Variants in TENM2 observed in about 807,000 individuals in gnomAD.
The protein encoded by TENM2 is teneurin-2.
Under a neutral mutation model 245.2 loss-of-function variants are expected in TENM2, and 52 were observed. That is an observed-to-expected ratio of 0.21 (90% CI 0.17 to 0.27). The LOEUF is 0.27. Among genes scored for constraint, TENM2 ranks in the 10% least tolerant of loss-of-function variants. TENM2 has a pLI of 1.00. For synonymous variants in TENM2, 1,363 were observed against 1,438.9 expected (o/e 0.95, Z 1.19); for missense variants, 3,046 against 3,666.8 (o/e 0.83, Z 4.37).
intron 4 of TENM2, among the ~76,000 whole-genome samples, chr5:167,975,738 G>T (rs946698733): frequency 6.6e-6 from 1 of 151,598 alleles, no homozygotes; most frequent in Non-Finnish European, 1.5e-5. Context: ...TGCAGATAGG[G>T]TTTCTTCTGT....
At chr5:167,988,549 T>C (rs1372191142) in intron 4 of TENM2, among the ~76,000 whole-genome samples, 1 of 152,032 alleles carries the variant, frequency 6.6e-6, no homozygotes, top group Non-Finnish European at 1.5e-5. Flanking sequence ...AGGAACAAGT[T>C]GTGCAGATAT....
At chr5:167,480,253 C>G (rs1767670921) in intron 2 of TENM2, among the ~76,000 whole-genome samples, 1 of 152,196 alleles carries the variant, frequency 6.6e-6, no homozygotes, top group Non-Finnish European at 1.5e-5. Context: ...CTCTTCCTCA[C>G]TGATTGTAAG....
intron 4 of TENM2, among the ~76,000 whole-genome samples, chr5:167,991,962 C>T (rs1783701240): frequency 6.6e-6 from 1 of 152,180 alleles, no homozygotes; most frequent in South Asian, 2.1e-4. Context: ...GAAATAATGG[C>T]TTTTGCAGCA....
chr5:167,886,998 T>G (rs1192010821), intron 3 of TENM2, among the ~76,000 whole-genome samples: 1 of 152,138 alleles, frequency 6.6e-6, no homozygotes, highest in Non-Finnish European at 1.5e-5. Flanking sequence ...TAGCTCTTTT[T>G]CCCAACACAG....
At chr5:167,427,012 G>A (rs1471949914) in intron 2 of TENM2, among the ~76,000 whole-genome samples, 2 of 151,966 alleles carry the variant, frequency 1.3e-5, no homozygotes, top group Admixed American at 1.3e-4. Flanking sequence ...ACATGGCAGG[G>A]GTGAAAGAAC....
chr5:168,124,965 C>A (rs757886935), exon 11 of TENM2: 26 of 1,611,998 alleles, frequency 1.6e-5, no homozygotes, highest in Middle Eastern at 1.7e-4. Flanking sequence ...AGTGCCCAGA[C>A]CAGTGCAGTG....
intron 2 of TENM2, among the ~76,000 whole-genome samples, chr5:167,383,603 C>T (rs1761229229): frequency 6.6e-6 from 1 of 151,950 alleles, no homozygotes; most frequent in African/African-American, 2.4e-5. Flanking sequence ...CACCTGCATC[C>T]AGCAGGGCCT....
intron 1 of TENM2, among the ~76,000 whole-genome samples, chr5:167,299,486 G>A (rs1755176236): frequency 6.6e-6 from 1 of 152,116 alleles, no homozygotes; most frequent in South Asian, 2.1e-4. Flanking sequence ...GTGTAGGGAA[G>A]GGAGGGGGCC....
At chr5:167,445,336 T>TATATATAGAGAGAGAGAGAGAG (rs368881390) in intron 2 of TENM2, among the ~76,000 whole-genome samples, 2 of 77,300 alleles carry the variant, frequency 2.6e-5, no homozygotes, top group Non-Finnish European at 4.9e-5. Flanking sequence ...TATATATATA[T>TATATATAGAGAGAGAGAGAGAG]AGAGAGAGAG....
chr5:167,494,701 A>C (rs1420993900), intron 2 of TENM2, among the ~76,000 whole-genome samples: 6 of 152,132 alleles, frequency 3.9e-5, no homozygotes, highest in African/African-American at 1.4e-4. Context: ...ATAGCTGTAA[A>C]TGTGTTTTCT....
intron 1 of TENM2, among the ~76,000 whole-genome samples, chr5:167,309,254 C>A (rs1255629297): frequency 6.6e-6 from 1 of 152,262 alleles, no homozygotes; most frequent in Admixed American, 6.5e-5. Flanking sequence ...CTTTCTCTGA[C>A]CCCACTGGGT....
chr5:168,048,874 G>T (rs1383813880), intron 6 of TENM2, among the ~76,000 whole-genome samples: 3 of 152,174 alleles, frequency 2.0e-5, no homozygotes, highest in Admixed American at 6.5e-5. Context: ...AGTTTTATCT[G>T]AGGATGAAAT....
At chr5:167,017,413 G>A in the TENM2 span, among the ~76,000 whole-genome samples, 2 of 152,310 alleles carry the variant, frequency 1.3e-5, no homozygotes, top group South Asian at 4.1e-4. Flanking sequence ...TTCAGTCTTT[G>A]TGGACCATTT....
the TENM2 span, among the ~76,000 whole-genome samples, chr5:167,024,081 C>T: frequency 6.6e-6 from 1 of 152,086 alleles, no homozygotes; most frequent in African/African-American, 2.4e-5. Context: ...AATTTAAATA[C>T]ATCTACTTCA....
At chr5:168,078,527 T>A (rs1381402101) in intron 7 of TENM2, among the ~76,000 whole-genome samples, 1 of 152,228 alleles carries the variant, frequency 6.6e-6, no homozygotes, top group Admixed American at 6.5e-5. Context: ...TGAATGGTAT[T>A]GCCTAGGTTT....
chr5:167,237,334 T>C, the TENM2 span, among the ~76,000 whole-genome samples: 32,306 of 152,046 alleles, frequency 0.21, 3,935 homozygotes, highest in African/African-American at 0.34. Context: ...TTCATCAATT[T>C]TAGGGCATGT....
chr5:167,719,728 C>T lies in TENM2; in HGVS notation c.503-156258C>T, dbSNP rs78120279. Among the ~76,000 whole-genome samples the T allele has an allele frequency of 8.2e-3, 1,250 of 152,304 alleles. 15 individuals carry two copies. Among genetic ancestry groups the T allele is most frequent in the Middle Eastern group, 0.031 (9 of 294 alleles). The stretch of plus-strand genomic sequence containing the variant: ...GGTTCTCAACCAGTGGCGATTTTGC[C>T]ACCTCAAGGAATGTTGCCCTGTCTG... On this transcript the variant is annotated intron_variant, in intron 2 of 28. Coordinates refer to ENST00000518659, the Ensembl canonical transcript of TENM2.
chr5:168,039,293 C>T (rs998387895), intron 5 of TENM2, among the ~76,000 whole-genome samples: 1 of 152,086 alleles, frequency 6.6e-6, no homozygotes, highest in Non-Finnish European at 1.5e-5. Flanking sequence ...CCCTCTTTAA[C>T]GGGGCTGCTG....
chr5:167,574,653 T>C (rs1012776351), intron 2 of TENM2, among the ~76,000 whole-genome samples: 1 of 152,212 alleles, frequency 6.6e-6, no homozygotes, highest in Admixed American at 6.5e-5. Flanking sequence ...AGGGATCTGG[T>C]AAATAATTAG....
Sources: gnomAD v4.1 joint callset for allele counts (sites outside exome capture counted in the v4.1 genomes callset) on GRCh38, gnomAD v4.1.1 for gene constraint, MANE v1.5 for transcripts, NCBI Gene and HGNC (gene_info 2026-07-23, HGNC 2026-07-21) for gene names.